The following VPS50 variants were observed in gnomAD, a reference collection of about 807,000 sequenced individuals.
VPS50 encodes the protein VPS50 subunit of EARP/GARPII complex.
In VPS50, 70 loss-of-function variants were observed where a neutral mutation model predicts 139.7. That is an observed-to-expected ratio of 0.50 (90% confidence interval 0.41 to 0.61). VPS50 has a LOEUF of 0.61. Among genes scored for constraint, VPS50 ranks in the 20% least tolerant of loss-of-function variants. The pLI, the probability that VPS50 is intolerant of heterozygous loss-of-function variation, is 0.00. For missense variants in VPS50, 921 were observed against 1,133.7 expected (o/e 0.81, Z 2.69); for synonymous variants, 365 against 376.7 (o/e 0.97, Z 0.36).
chr7:93,346,063 G>A (rs1218214934), intron 23 of VPS50, among the ~76,000 whole-genome samples: 1 of 152,194 alleles, frequency 6.6e-6, no homozygotes, highest in African/African-American at 2.4e-5. Context: ...CGACATGATT[G>A]TATATCTACA....
intron 18 of VPS50, among the ~76,000 whole-genome samples, 164 bp from the exon 19 acceptor site, chr7:93,308,660 A>G (rs1214038924): frequency 6.6e-6 from 1 of 151,964 alleles, no homozygotes; most frequent in East Asian, 1.9e-4. Flanking sequence ...AATGATGAAG[A>G]CAATGGAAGA....
At chr7:93,302,443 T>C (rs569053891) in intron 16 of VPS50, among the ~76,000 whole-genome samples, 1 of 152,018 alleles carries the variant, frequency 6.6e-6, no homozygotes, top group Non-Finnish European at 1.5e-5. Flanking sequence ...TCTAGACTGC[T>C]GTTTTACTTA....
intron 22 of VPS50, among the ~76,000 whole-genome samples, chr7:93,335,623 C>A (rs1246868063): frequency 6.6e-6 from 1 of 151,598 alleles, no homozygotes; most frequent in African/African-American, 2.4e-5. Context: ...TTGTAAAATC[C>A]ATTGGTCTCA....
At chr7:93,259,340 A>C (rs1442580250) in intron 8 of VPS50, 1 of 390,360 alleles carries the variant, frequency 2.6e-6, no homozygotes, top group Non-Finnish European at 4.6e-6. Context: ...GGAATAGAAT[A>C]TTTTAAATAT....
At chr7:93,353,496 A>C in intron 25 of VPS50, 144 bp from the exon 26 acceptor site, 1 of 890,212 alleles carries the variant, frequency 1.1e-6, no homozygotes, top group South Asian at 1.7e-5. Flanking sequence ...TACTAAGTCC[A>C]AATTATCTTT....
At chr7:93,345,344 A>G (rs1798359163) in intron 23 of VPS50, among the ~76,000 whole-genome samples, 1 of 152,206 alleles carries the variant, frequency 6.6e-6, no homozygotes, top group Non-Finnish European at 1.5e-5. Context: ...TCAATAGCTT[A>G]CCAACGAAAA....
rs961304811 is a variant in VPS50, at chr7:93,358,576, T to C, written c.*140T>C. On this transcript the variant is annotated 3_prime_UTR_variant, in exon 28 of 28. Transcript: ENST00000305866. ...TTTTTTGACTGGAAAGTGGAAAATA[T>C]TGAAATGTGTGTGGTGTTCTCATGA... 2.7e-5 allele frequency: 19 copies of C among 695,656 alleles called. No individual in the cohort carries two copies. In the Middle Eastern group the frequency reaches 1.1e-3, roughly 39 times the overall value. 43.1% of individuals were successfully genotyped at this position (695,656 alleles called of 1,614,324 possible). A position where few individuals can be genotyped will look rare whatever the true frequency, so the allele number is the denominator to read the frequency against.
At chr7:93,297,293 C>T (rs17710854) in intron 16 of VPS50, 50 bp downstream of exon 16, 239,046 of 1,440,876 alleles carry the variant, frequency 0.17, 20,698 homozygotes, top group South Asian at 0.2. Flanking sequence ...AATGAGAATA[C>T]TTTTGTCTAA....
At chr7:93,324,106 A>G (rs555864366) in intron 21 of VPS50, among the ~76,000 whole-genome samples, 13 of 152,294 alleles carry the variant, frequency 8.5e-5, no homozygotes, top group Admixed American at 5.9e-4. Flanking sequence ...TAGTATATTT[A>G]TAAGATAATG....
intron 20 of VPS50, among the ~76,000 whole-genome samples, chr7:93,316,305 G>T (rs1797427663): frequency 6.6e-6 from 1 of 152,194 alleles, no homozygotes; most frequent in South Asian, 2.1e-4. Context: ...ACTGTCCTAT[G>T]CAGCTTGGAC....
In VPS50 at chr7:93,323,596, CT is replaced by C; in HGVS notation, c.1856-9del. On this transcript the variant is annotated splice_polypyrimidine_tract_variant and intron_variant, in intron 20 of 27. Coordinates refer to ENST00000305866, the MANE Select transcript of VPS50 (RefSeq NM_017667.4). ...ATTTTGTTCTGCTTAATTTTTTATT[CT>C]TTTTTCTTTTCAGGAAAATATATGC... 2 of 1,167,826 alleles carry C rather than the reference CT, an allele frequency of 1.7e-6. No homozygotes were observed. Among genetic ancestry groups the C allele is most frequent in the Non-Finnish European group, 2.3e-6 (2 of 871,674 alleles). The allele number at this position is 1,167,826 out of a possible 1,614,324, so 72.3% of individuals were successfully genotyped here.
In VPS50 at chr7:93,272,098, C is replaced by T. The variant is rs187535358; in HGVS notation, c.703-537C>T. On this transcript the variant is annotated intron_variant, in intron 10 of 27. Coordinates refer to ENST00000305866, the MANE Select transcript of VPS50 (RefSeq NM_017667.4). ...TTCTTCACTTTTAATAGATATTATT[C>T]TGTATTTATATTAAAAACTCTTATT... Among the ~76,000 whole-genome samples, 326 of 151,728 alleles carry T rather than the reference C, an allele frequency of 2.1e-3. 1 individual carries two copies. The highest frequency in any genetic ancestry group is 7.4e-3 in the African/African-American group (308 of 41,474).
At position 93,348,873 on chromosome 7, in the gene VPS50, T is replaced by C. The variant is rs1798478280; in HGVS notation, c.2304+66T>C. ...ATAGGACTGTCACAGATTATTTAGATTTTTTGTTGTTTTTTTTAACTGGAA... is the reference window on the plus strand; with the variant it reads ...ATAGGACTGTCACAGATTATTTAGACTTTTTGTTGTTTTTTTTAACTGGAA... On this transcript the variant is annotated intron_variant, in intron 24 of 27. Transcript: ENST00000305866. 8 of 1,110,028 alleles carry C rather than the reference T, an allele frequency of 7.2e-6. No homozygotes were observed. The Admixed American group carries it at 8.2e-5, about 11-fold the overall frequency. The allele number at this position is 1,110,028 out of a possible 1,614,324, so 68.8% of individuals were successfully genotyped here.
intron 23 of VPS50, among the ~76,000 whole-genome samples, chr7:93,343,144 T>C (rs914442342): frequency 1.3e-5 from 2 of 152,048 alleles, no homozygotes; most frequent in Admixed American, 1.3e-4. Context: ...TTAAAGGAGC[T>C]GATGGAGCTG....
intron 21 of VPS50, among the ~76,000 whole-genome samples, chr7:93,326,210 C>A (rs1205661248): frequency 2.4e-4 from 33 of 138,674 alleles, no homozygotes; most frequent in Admixed American, 2.3e-4. Context: ...AAAAACCAAA[C>A]ACTGCATATT....
At chr7:93,233,118 T>TC (rs1364690744) in intron 1 of VPS50, among the ~76,000 whole-genome samples, 7 of 152,254 alleles carry the variant, frequency 4.6e-5, no homozygotes, top group African/African-American at 1.4e-4. Context: ...ACTGATCTTT[T>TC]CTTTTTTTTC....
intron 2 of VPS50, among the ~76,000 whole-genome samples, chr7:93,250,877 G>A (rs1584387638): frequency 1.3e-5 from 2 of 152,214 alleles, no homozygotes; most frequent in South Asian, 2.1e-4. Flanking sequence ...AAAAGTGGGT[G>A]AGGGATATAA....
intron 9 of VPS50, among the ~76,000 whole-genome samples, chr7:93,265,917 A>G (rs1395751850): frequency 6.6e-6 from 1 of 152,190 alleles, no homozygotes; most frequent in African/African-American, 2.4e-5. Context: ...GAAGACAGAC[A>G]TCTAGTTAGA....
chr7:93,325,600 G>T (rs1336163530), intron 21 of VPS50, among the ~76,000 whole-genome samples: 1 of 151,760 alleles, frequency 6.6e-6, no homozygotes, highest in African/African-American at 2.4e-5. Flanking sequence ...AAACAAGTTT[G>T]CAAGAAAAAA....
Sources: gnomAD v4.1 joint callset for allele counts (sites outside exome capture counted in the v4.1 genomes callset) on GRCh38, gnomAD v4.1.1 for gene constraint, MANE v1.5 for transcripts, NCBI Gene and HGNC (gene_info 2026-07-23, HGNC 2026-07-21) for gene names.